Variants in ST8SIA6 observed in about 807,000 individuals in gnomAD.
ST8SIA6 encodes the protein ST8 alpha-N-acetyl-neuraminide alpha-2,8-sialyltransferase 6.
ST8SIA6 carries 39 observed loss-of-function variants against 33.6 expected under a neutral mutation model. That is an observed-to-expected ratio of 1.16 (90% CI 0.90 to 1.52). The LOEUF is 1.52. ST8SIA6 is among the 40% of genes most tolerant of loss of function. ST8SIA6 has a pLI of 0.00. For missense variants in ST8SIA6, 441 were observed against 443.8 expected, an observed-to-expected ratio of 0.99 and a Z score of 0.06; for synonymous variants, 172 against 167.2, an observed-to-expected ratio of 1.03 and a Z score of -0.22.
chr10:17,445,243 A>G (rs1272320472), intron 2 of ST8SIA6, among the ~76,000 whole-genome samples: 4 of 152,260 alleles, frequency 2.6e-5, no homozygotes, highest in African/African-American at 7.2e-5. Flanking sequence ...ACAACTTTCA[A>G]TATAAGACAG....
chr10:17,405,515 C>T (rs1851223940), intron 2 of ST8SIA6, among the ~76,000 whole-genome samples: 1 of 150,024 alleles, frequency 6.7e-6, no homozygotes, highest in Admixed American at 6.7e-5. Flanking sequence ...TTACAGTGAT[C>T]AAGAGGATAA....
At chr10:17,386,775 C>T (rs371210) in intron 3 of ST8SIA6, among the ~76,000 whole-genome samples, 47,787 of 151,698 alleles carry the variant, frequency 0.32, 8,119 homozygotes, top group East Asian at 0.64. Context: ...AGGGGTTTTA[C>T]AGTCTCCCGT....
intron 4 of ST8SIA6, among the ~76,000 whole-genome samples, chr10:17,356,988 G>GAT (rs1849215058): frequency 6.6e-6 from 1 of 152,168 alleles, no homozygotes; most frequent in Non-Finnish European, 1.5e-5. Context: ...TACTTATAGA[G>GAT]ATGATTTAAG....
chr10:17,410,189 T>A (rs531776402), intron 2 of ST8SIA6: 1 of 152,312 alleles, frequency 6.6e-6, no homozygotes, highest in Admixed American at 6.5e-5. Flanking sequence ...GAACAAAGAT[T>A]AGTGCAAAAA....
chr10:17,378,099 A>G (rs530512231), intron 3 of ST8SIA6, among the ~76,000 whole-genome samples: 1 of 152,204 alleles, frequency 6.6e-6, no homozygotes, highest in South Asian at 2.1e-4. Context: ...ATCCCCTTAA[A>G]GAATAGCTGA....
chr10:17,327,211 T>A, intron 5 of ST8SIA6, 85 bp from the exon 6 acceptor site: 1 of 979,024 alleles, frequency 1.0e-6, no homozygotes, highest in Admixed American at 2.5e-5. Flanking sequence ...AACTTAACTC[T>A]TTATACATGC....
intron 2 of ST8SIA6, among the ~76,000 whole-genome samples, chr10:17,411,296 G>A (rs1851441218): frequency 6.6e-6 from 1 of 152,030 alleles, no homozygotes; most frequent in African/African-American, 2.4e-5. Context: ...CAATTCTTCT[G>A]CCTCACCCTC....
At chr10:17,356,479 G>A (rs34148401) in intron 4 of ST8SIA6, among the ~76,000 whole-genome samples, 6,107 of 151,868 alleles carry the variant, frequency 0.04, 182 homozygotes, top group Non-Finnish European at 0.054. Flanking sequence ...TGCCTCTCAG[G>A]TTCAAGTGAT....
At chr10:17,400,597 T>TC (rs113161098) in intron 2 of ST8SIA6, among the ~76,000 whole-genome samples, 4,941 of 152,252 alleles carry the variant, frequency 0.032, 83 homozygotes, top group South Asian at 0.055. Flanking sequence ...CAAGTGGGCT[T>TC]ATCCCTGGGA....
rs571951283 is a variant in ST8SIA6 at position 17,351,854 on chromosome 10, A to G, written c.377+7660T>C. Among the ~76,000 whole-genome samples the G allele has an allele frequency of 5.3e-5, 8 of 152,312 alleles. No homozygotes were observed. In the South Asian group the frequency reaches 1.0e-3, roughly 20 times the overall value. ...TACATGTGGAATCTAAGAAAGTTGA[A>G]CTTATAGAAGTACAGAGGAGAATGG... On this transcript the variant is annotated intron_variant, in intron 4 of 7. Transcript: ENST00000377602.
intron 3 of ST8SIA6, among the ~76,000 whole-genome samples, chr10:17,363,298 G>A (rs1038223984): frequency 6.6e-6 from 1 of 152,064 alleles, no homozygotes; most frequent in Non-Finnish European, 1.5e-5. Flanking sequence ...ATATGTGTGT[G>A]TGTGTGTGTG....
intron 2 of ST8SIA6, among the ~76,000 whole-genome samples, chr10:17,403,264 G>A (rs942678409): frequency 6.6e-6 from 1 of 152,240 alleles, no homozygotes; most frequent in African/African-American, 2.4e-5. Context: ...CTCAAATTCA[G>A]TGTGCAAAAG....
rs1347610078 is a variant in ST8SIA6 at position 17,423,128 on chromosome 10, T to C, written c.200+30431A>G. ...CAAAAAATATGGACCTGATAAATTATGCAGCCAAATTAGCAAGTAATTAGA... is the reference window on the plus strand; with the variant it reads ...CAAAAAATATGGACCTGATAAATTACGCAGCCAAATTAGCAAGTAATTAGA... On this transcript the variant is annotated intron_variant, in intron 2 of 7. Coordinates refer to ENST00000377602, the MANE Select transcript of ST8SIA6 (RefSeq NM_001004470.3). 3.3e-5 allele frequency among the ~76,000 whole-genome samples: 5 copies of C among 152,330 alleles called. No individual in the cohort carries two copies. In the South Asian group the frequency reaches 8.3e-4, roughly 25 times the overall value.
rs1296654398 is a variant in ST8SIA6, at chr10:17,454,111, C to A, written c.101+44G>T. On this transcript the variant is annotated intron_variant, in intron 1 of 7. Transcript: ENST00000377602. The surrounding 1 kb of genome is among the most constrained non-coding windows in gnomAD (Gnocchi z 4.1). Reference sequence around the variant, plus strand: ...GGCTTGGGGGTCCGGGGGCGCCAGGCGGGGCGCGCGGCGCGGGGCGCGGCC... The same window carrying A: ...GGCTTGGGGGTCCGGGGGCGCCAGGAGGGGCGCGCGGCGCGGGGCGCGGCC... The A allele has an allele frequency of 3.9e-6, 1 of 253,644 alleles. No homozygotes were observed. The highest frequency in any genetic ancestry group is 7.4e-6 in the Non-Finnish European group (1 of 134,846). 15.7% of individuals were successfully genotyped at this position (253,644 alleles called of 1,614,324 possible). A position where few individuals can be genotyped will look rare whatever the true frequency, so the allele number is the denominator to read the frequency against.
At chr10:17,387,967 C>G (rs1285723587) in intron 3 of ST8SIA6, among the ~76,000 whole-genome samples, 1 of 152,194 alleles carries the variant, frequency 6.6e-6, no homozygotes, top group Non-Finnish European at 1.5e-5. Flanking sequence ...TTTTCTGTGT[C>G]GACCTGACTG....
At chr10:17,341,012 G>A (rs1475711428) in intron 4 of ST8SIA6, among the ~76,000 whole-genome samples, 1 of 152,176 alleles carries the variant, frequency 6.6e-6, no homozygotes, top group Non-Finnish European at 1.5e-5. Flanking sequence ...CAGAGAAGGT[G>A]AAAGAGAAAG....
intron 2 of ST8SIA6, among the ~76,000 whole-genome samples, chr10:17,403,272 A>C (rs17445461): frequency 0.013 from 2,051 of 152,336 alleles, 27 homozygotes; most frequent in Non-Finnish European, 0.022. Context: ...CAGTGTGCAA[A>C]AGTGGGACCC....
At chr10:17,440,888 T>C (rs1406240561) in intron 2 of ST8SIA6, among the ~76,000 whole-genome samples, 2 of 152,218 alleles carry the variant, frequency 1.3e-5, no homozygotes, top group African/African-American at 4.8e-5. Flanking sequence ...ACATGCTTAT[T>C]AGCCATCTGT....
chr10:17,359,069 C>T (rs540284142), intron 4 of ST8SIA6, among the ~76,000 whole-genome samples: 7 of 152,276 alleles, frequency 4.6e-5, no homozygotes, highest in South Asian at 2.1e-4. Context: ...AAGCAACTCA[C>T]GCCCCTGAAT....
Sources: allele counts gnomAD v4.1 joint callset (sites outside exome capture counted in the v4.1 genomes callset), GRCh38; gene constraint gnomAD v4.1.1; non-coding constraint Gnocchi (gnomAD v3.1); transcripts MANE v1.5; gene names NCBI Gene and HGNC (gene_info 2026-07-23, HGNC 2026-07-21).